Variants in LEF1 observed in about 807,000 individuals in gnomAD.
LEF1 encodes lymphoid enhancer binding factor 1.
A neutral mutation model predicts 51.2 loss-of-function variants in LEF1; 14 were observed. That is an observed-to-expected ratio of 0.27 (90% CI 0.18 to 0.43). The LOEUF (loss-of-function observed/expected upper bound fraction) is 0.43, where lower values mean the gene tolerates loss of function less well. Ranked by LOEUF, LEF1 falls within the 20% of genes least tolerant of loss-of-function variation. The probability of loss-of-function intolerance (pLI) is 1.00; values close to 1 mark genes in which losing one functional copy is unlikely to be tolerated. For synonymous variants in LEF1, 185 were observed against 183.2 expected (o/e 1.01, Z -0.08); for missense variants, 386 against 512.0 (o/e 0.75, Z 2.37).
intron 1 of LEF1, chr4:108,166,306 T>G: frequency 2.0e-6 from 3 of 1,534,904 alleles, no homozygotes; most frequent in Non-Finnish European, 2.6e-6. Context: ...AGATCTGAGG[T>G]GTTCTTAAAC....
At chr4:108,125,155 T>C (rs1022291070) in intron 3 of LEF1, among the ~76,000 whole-genome samples, 2 of 152,086 alleles carry the variant, frequency 1.3e-5, no homozygotes, top group African/African-American at 4.8e-5. Context: ...CCTTTATTTA[T>C]TTATTTATTT....
At chr4:108,115,237 C>T (rs528754698) in intron 3 of LEF1, among the ~76,000 whole-genome samples, 6 of 152,238 alleles carry the variant, frequency 3.9e-5, no homozygotes, top group African/African-American at 1.4e-4. Flanking sequence ...TCAATAGACA[C>T]AACTGAATGA....
chr4:108,162,644 AC>A (rs1320510637), intron 3 of LEF1, among the ~76,000 whole-genome samples: 5 of 152,132 alleles, frequency 3.3e-5, no homozygotes, highest in Admixed American at 2.6e-4. Flanking sequence ...TGAGACTGGA[AC>A]CCTAATCCCC....
At chr4:108,137,758 C>A (rs1003425264) in intron 3 of LEF1, among the ~76,000 whole-genome samples, 2 of 152,104 alleles carry the variant, frequency 1.3e-5, no homozygotes. Context: ...ATATGGTTTT[C>A]CTGTTACCAT....
chr4:108,123,444 T>TTG (rs1037553305), intron 3 of LEF1, among the ~76,000 whole-genome samples: 3 of 148,726 alleles, frequency 2.0e-5, no homozygotes, highest in African/African-American at 7.5e-5. Context: ...TTTTTTTTTT[T>TTG]TTTTTTTTTT....
chr4:108,141,876 G>A (rs1361490658), intron 3 of LEF1, among the ~76,000 whole-genome samples: 1 of 152,062 alleles, frequency 6.6e-6, no homozygotes, highest in Non-Finnish European at 1.5e-5. Context: ...AAAGATGGGG[G>A]TGGGGAAGCA....
intron 11 of LEF1, among the ~76,000 whole-genome samples, chr4:108,057,565 C>T (rs1021177475): frequency 1.3e-5 from 2 of 152,098 alleles, no homozygotes; most frequent in Non-Finnish European, 2.9e-5. Context: ...CCTGGCAGAC[C>T]CTCAGGGTTG....
At chr4:108,132,635 T>C (rs867318416) in intron 3 of LEF1, among the ~76,000 whole-genome samples, 19 of 140,822 alleles carry the variant, frequency 1.3e-4, no homozygotes, top group Admixed American at 1.6e-4. Context: ...TCTCAATAGA[T>C]ATGGGATGAG....
chr4:108,130,761 G>T (rs2110350675), intron 3 of LEF1, among the ~76,000 whole-genome samples: 1 of 150,904 alleles, frequency 6.6e-6, no homozygotes, highest in East Asian at 2.0e-4. Flanking sequence ...CAGTTAAATT[G>T]CTACTAAATG....
chr4:108,055,711 C>T (rs974940296), intron 11 of LEF1, among the ~76,000 whole-genome samples: 3 of 152,036 alleles, frequency 2.0e-5, no homozygotes, highest in African/African-American at 7.2e-5. Flanking sequence ...CTCATATACT[C>T]CTCTCCCTCT....
Position 108,119,993 on chromosome 4 carries a change from ATGTGTGTGTGTGTG to A in LEF1, c.415-30750_415-30737del, listed in dbSNP as rs34987010. Reference sequence around the variant, plus strand: ...ACCATTATATGTGTATATTTTATATATGTGTGTGTGTGTGTGTGTGTGTGTGTGTGTGTGTGTGT... The same window carrying A: ...ACCATTATATGTGTATATTTTATATATGTGTGTGTGTGTGTGTGTGTGTGT... On this transcript the variant is annotated intron_variant, in intron 3 of 11. Coordinates refer to ENST00000265165, the MANE Select transcript of LEF1 (RefSeq NM_016269.5). Among the ~76,000 whole-genome samples the A allele has an allele frequency of 8.7e-5, 13 of 149,596 alleles. 1 individual carries two copies. Among genetic ancestry groups the A allele is most frequent in the East Asian group, 3.9e-4 (2 of 5,106 alleles).
chr4:108,161,837 C>T (rs6843705), intron 3 of LEF1, among the ~76,000 whole-genome samples: 4,912 of 152,136 alleles, frequency 0.032, 136 homozygotes, highest in Non-Finnish European at 0.043. Context: ...TTTCTATTGT[C>T]ACCAACACTA....
Position 108,047,715 on chromosome 4 carries a change from A to G in LEF1, c.*1043T>C, listed in dbSNP as rs1467145762. On this transcript the variant is annotated 3_prime_UTR_variant, in exon 12 of 12. Coordinates refer to ENST00000265165, the MANE Select transcript of LEF1 (RefSeq NM_016269.5). Reference sequence around the variant, plus strand: ...TGCTCATTTTAACAACTGGCATAAAATCCCACTAATTGGCTAATAAAAACA... The same window carrying G: ...TGCTCATTTTAACAACTGGCATAAAGTCCCACTAATTGGCTAATAAAAACA... The G allele has an allele frequency of 6.6e-6, 1 of 152,656 alleles. No homozygotes were observed. The highest frequency in any genetic ancestry group is 1.5e-5 in the Non-Finnish European group (1 of 68,034). The allele number at this position is 152,656 out of a possible 1,614,324, so 9.5% of individuals were successfully genotyped here.
intron 3 of LEF1, among the ~76,000 whole-genome samples, chr4:108,100,323 C>T (rs1740739351): frequency 6.6e-6 from 1 of 151,978 alleles, no homozygotes; most frequent in Admixed American, 6.6e-5. Context: ...AATTTAAAGA[C>T]CTTTTAAAAG....
chr4:108,129,032 G>A (rs929730970), intron 3 of LEF1, among the ~76,000 whole-genome samples: 1 of 152,058 alleles, frequency 6.6e-6, no homozygotes, highest in Non-Finnish European at 1.5e-5. Context: ...GGGTCCACTG[G>A]GCACCAGCTT....
chr4:108,081,446 AG>A, intron 6 of LEF1, 139 bp downstream of exon 6: 1 of 655,156 alleles, frequency 1.5e-6, no homozygotes, highest in Non-Finnish European at 2.7e-6. Context: ...CTAGTGTGGG[AG>A]CCAGGCACAC....
intron 3 of LEF1, among the ~76,000 whole-genome samples, chr4:108,094,557 A>G (rs1740255630): frequency 6.6e-6 from 1 of 152,110 alleles, no homozygotes; most frequent in Non-Finnish European, 1.5e-5. Context: ...AGGTGGTTCA[A>G]CTCCCTACTG....
chr4:108,158,162 A>C (rs1049617820), intron 3 of LEF1, among the ~76,000 whole-genome samples: 7 of 152,190 alleles, frequency 4.6e-5, no homozygotes, highest in African/African-American at 1.7e-4. Context: ...CAGAGTCCAC[A>C]GTTCCTAGGC....
intron 11 of LEF1, among the ~76,000 whole-genome samples, chr4:108,059,828 C>T (rs1486940470): frequency 6.6e-6 from 1 of 152,106 alleles, no homozygotes. Context: ...TCAGCCTCGC[C>T]AGTAGCTGGA....
Sources: gnomAD v4.1 joint callset for allele counts (sites outside exome capture counted in the v4.1 genomes callset) on GRCh38, gnomAD v4.1.1 for gene constraint, MANE v1.5 for transcripts, NCBI Gene and HGNC (gene_info 2026-07-23, HGNC 2026-07-21) for gene names.